Variants in OR2L13 observed in about 807,000 individuals in gnomAD.
OR2L13 encodes olfactory receptor 2L13.
A neutral mutation model predicts 15.3 loss-of-function variants in OR2L13; 14 were observed. The ratio of observed to expected loss-of-function variants is 0.91; its 90% CI spans 0.60 to 1.43. The LOEUF is 1.43. Among genes scored for constraint, OR2L13 ranks in the 40% most tolerant of loss-of-function variants. The pLI is 0.00. For missense variants in OR2L13, 367 were observed against 387.9 expected (o/e 0.95, Z 0.45); for synonymous variants, 152 against 142.9 (o/e 1.06, Z -0.45).
chr1:247,972,457 C>A, the OR2L13 span, among the ~76,000 whole-genome samples: 1 of 152,154 alleles, frequency 6.6e-6, no homozygotes, highest in South Asian at 2.1e-4. Context: ...CACAGAAATA[C>A]AAACTCGCAT....
the OR2L13 span, among the ~76,000 whole-genome samples, chr1:248,015,400 T>C: frequency 2.6e-5 from 4 of 152,096 alleles, no homozygotes; most frequent in Admixed American, 1.3e-4. Context: ...TGATTGACAT[T>C]CTAGACAAGT....
chr1:248,089,982 G>A, the OR2L13 span, among the ~76,000 whole-genome samples: 3 of 152,132 alleles, frequency 2.0e-5, no homozygotes, highest in Non-Finnish European at 4.4e-5. Context: ...TTAAACCCAT[G>A]TATAACCTCC....
the OR2L13 span, among the ~76,000 whole-genome samples, chr1:247,963,195 A>G: frequency 1.3e-5 from 2 of 152,332 alleles, no homozygotes; most frequent in South Asian, 4.1e-4. Context: ...TCTTGATTAT[A>G]TGCTAAACAA....
At chr1:247,965,249 A>G in the OR2L13 span, 5 of 1,133,476 alleles carry the variant, frequency 4.4e-6, no homozygotes, top group Non-Finnish European at 6.1e-6. Context: ...AAACATGTAG[A>G]TAGTTGCCAA....
chr1:247,951,702 T>C, the OR2L13 span, among the ~76,000 whole-genome samples: 1 of 152,220 alleles, frequency 6.6e-6, no homozygotes, highest in Non-Finnish European at 1.5e-5. Flanking sequence ...TTGCTAACAA[T>C]GTTTACTGCT....
At chr1:248,039,080 G>A in the OR2L13 span, 1,382 of 1,614,078 alleles carry the variant, frequency 8.6e-4, 18 homozygotes, top group African/African-American at 0.012. Context: ...CAGAGGACAA[G>A]ATTCTGGCTG....
chr1:247,972,695 G>A, the OR2L13 span, among the ~76,000 whole-genome samples: 8 of 152,068 alleles, frequency 5.3e-5, no homozygotes, highest in East Asian at 1.2e-3. Context: ...TCAACCAGAG[G>A]TACAAAGAAG....
the OR2L13 span, among the ~76,000 whole-genome samples, chr1:248,015,533 C>G: frequency 6.6e-6 from 1 of 152,136 alleles, no homozygotes; most frequent in African/African-American, 2.4e-5. Context: ...GAAACTGACC[C>G]TGTCACCTGT....
At chr1:248,060,530 A>G in the OR2L13 span, 1 of 636,000 alleles carries the variant, frequency 1.6e-6, no homozygotes, top group South Asian at 2.0e-5. Context: ...GTATGTGTGG[A>G]CAGAAAATAA....
At chr1:248,076,557 T>C in the OR2L13 span, among the ~76,000 whole-genome samples, 1 of 152,338 alleles carries the variant, frequency 6.6e-6, no homozygotes, top group African/African-American at 2.4e-5. Context: ...GAAAAGGTCC[T>C]TCATATCCCT....
the OR2L13 span, among the ~76,000 whole-genome samples, chr1:247,950,638 A>G: frequency 6.6e-6 from 1 of 152,176 alleles, no homozygotes; most frequent in Non-Finnish European, 1.5e-5. Context: ...TCATTTAACT[A>G]TGTCAGGCAC....
the OR2L13 span, among the ~76,000 whole-genome samples, chr1:248,000,302 A>G: frequency 1.3e-5 from 2 of 152,224 alleles, no homozygotes; most frequent in East Asian, 3.9e-4. Context: ...TGAACTCAAG[A>G]AGACCATCCT....
chr1:248,068,451 G>A, the OR2L13 span, among the ~76,000 whole-genome samples: 933 of 152,190 alleles, frequency 6.1e-3, 16 homozygotes, highest in African/African-American at 0.022. Flanking sequence ...TCTGTTAGAA[G>A]GAAAACTAAC....
the OR2L13 span, chr1:247,965,647 AC>A: frequency 6.5e-7 from 1 of 1,548,450 alleles, no homozygotes; most frequent in Non-Finnish European, 8.7e-7. Flanking sequence ...ACAGAGTAAG[AC>A]CATTAGATTT....
At chr1:248,018,827 G>A in the OR2L13 span, among the ~76,000 whole-genome samples, 1 of 152,034 alleles carries the variant, frequency 6.6e-6, no homozygotes, top group African/African-American at 2.4e-5. Context: ...CGGTCCCCTG[G>A]GGTCCAGCAT....
chr1:248,010,763 G>GTTTCTTTT, the OR2L13 span, among the ~76,000 whole-genome samples: 1 of 44,462 alleles, frequency 2.2e-5, no homozygotes, highest in Non-Finnish European at 3.7e-5. Flanking sequence ...CTTTGTTGTT[G>GTTTCTTTT]TTTTTTTTTT....
At chr1:247,983,759 T>C in the OR2L13 span, among the ~76,000 whole-genome samples, 1 of 152,228 alleles carries the variant, frequency 6.6e-6, no homozygotes, top group Non-Finnish European at 1.5e-5. Context: ...ACATATCTCC[T>C]GCCACTCACG....
the OR2L13 span, among the ~76,000 whole-genome samples, chr1:247,969,925 G>A: frequency 6.6e-6 from 1 of 152,094 alleles, no homozygotes; most frequent in Admixed American, 6.6e-5. Flanking sequence ...CATACAACAT[G>A]GGTTGGTGTT....
chr1:248,022,424 A>G, the OR2L13 span: 4 of 1,614,200 alleles, frequency 2.5e-6, no homozygotes, highest in Non-Finnish European at 1.7e-6. Context: ...GTGCTCACAC[A>G]GTATATGCAT....
Sources: allele counts gnomAD v4.1 joint callset (sites outside exome capture counted in the v4.1 genomes callset), GRCh38; gene constraint gnomAD v4.1.1; transcripts MANE v1.5; gene names NCBI Gene and HGNC (gene_info 2026-07-23, HGNC 2026-07-21).